Variants in VPS26B observed in about 807,000 individuals in gnomAD.
VPS26B encodes the protein vacuolar protein sorting-associated protein 26B.
Under a neutral mutation model 33.3 loss-of-function variants are expected in VPS26B, and 10 were observed. That is an observed-to-expected ratio of 0.30 (90% CI 0.19 to 0.51). The LOEUF is 0.51. Among genes scored for constraint, VPS26B ranks in the 20% least tolerant of loss-of-function variants. The pLI is 0.98. For synonymous variants in VPS26B, 190 were observed against 176.9 expected (o/e 1.07, Z -0.59); for missense variants, 317 against 452.7 (o/e 0.70, Z 2.72).
chr11:134,237,639 C>T (rs1938651828), intron 2 of VPS26B, among the ~76,000 whole-genome samples: 4 of 152,108 alleles, frequency 2.6e-5, no homozygotes, highest in Admixed American at 2.0e-4. Context: ...CAGGGCATGG[C>T]AGGAGGAGGA....
chr11:134,228,238 G>A (rs1938506646), intron 1 of VPS26B, among the ~76,000 whole-genome samples: 1 of 151,628 alleles, frequency 6.6e-6, no homozygotes, highest in Non-Finnish European at 1.5e-5. Context: ...GAGTAAAGAT[G>A]TACTATTTGG....
rs1328967067 is a variant in VPS26B, at chr11:134,247,416, T to C, written c.*1826T>C. ...CCCAACTGACAACACACGTTCATTT[T>C]CCAACCTTCCTAACATCTTAAACCT... is the stretch of plus-strand genomic sequence containing the variant. On this transcript the variant is annotated 3_prime_UTR_variant, in exon 6 of 6. Coordinates refer to ENST00000281187, the MANE Select transcript of VPS26B (RefSeq NM_052875.5). 2 of 152,264 alleles carry C rather than the reference T, an allele frequency of 1.3e-5. No individual in the cohort carries two copies. The highest frequency in any genetic ancestry group is 2.9e-5 in the Non-Finnish European group (2 of 68,052). The allele number at this position is 152,264 out of a possible 1,614,324, so 9.4% of individuals were successfully genotyped here.
intron 2 of VPS26B, chr11:134,239,769 G>A (rs1938688936): frequency 1.8e-6 from 1 of 550,504 alleles, no homozygotes; most frequent in African/African-American, 1.9e-5. Flanking sequence ...TTGGGGGAAG[G>A]GTCTTTGAAC....
intron 1 of VPS26B, 59 bp from the exon 2 acceptor site, chr11:134,234,838 C>A: frequency 6.3e-7 from 1 of 1,577,300 alleles, no homozygotes; most frequent in South Asian, 1.2e-5. Flanking sequence ...GCCCCCTACT[C>A]GGCCCGGTGT....
chr11:134,232,213 G>A lies in VPS26B; in HGVS notation c.224-2684G>A, dbSNP rs61909700. 2.0e-4 allele frequency among the ~76,000 whole-genome samples: 7 copies of A among 34,730 alleles called. No individual in the cohort carries two copies. In the South Asian group the frequency reaches 0.011, roughly 57 times the overall value. The allele number at this position is 34,730 out of a possible 152,430, so 22.8% of individuals were successfully genotyped here. ...GATTGGGAAGAATGAAAGATGACGC[G>A]TGGTTGCTTCTTTGGGACGGAATAG... On this transcript the variant is annotated intron_variant, in intron 1 of 5. Transcript: ENST00000281187.
rs910515856 is a variant in VPS26B, at chr11:134,245,145, G to A, written c.864+65G>A. 2.5e-5 allele frequency: 39 copies of A among 1,574,672 alleles called. No homozygotes were observed. The African/African-American group carries it at 4.1e-4, about 16-fold the overall frequency. On this transcript the variant is annotated intron_variant, in intron 5 of 5. Coordinates refer to ENST00000281187, the MANE Select transcript of VPS26B (RefSeq NM_052875.5). The surrounding 1 kb of genome is among the most constrained non-coding windows in gnomAD (Gnocchi z 4.7). ...CAGAACAGGAGGCTCTCTTTCCTAT[G>A]GAAGGTCAGACTCCATTTTTGCCAA...
At chr11:134,237,872 G>A (rs1462841480) in intron 2 of VPS26B, among the ~76,000 whole-genome samples, 7 of 152,180 alleles carry the variant, frequency 4.6e-5, no homozygotes, top group Admixed American at 6.5e-5. Context: ...TGCAGAACCC[G>A]CCTTGTGACA....
chr11:134,245,611 G>A lies in VPS26B; in HGVS notation c.*21G>A, dbSNP rs1165743364. The A allele has an allele frequency of 6.3e-7, 1 of 1,592,218 alleles. No individual in the cohort carries two copies. Among genetic ancestry groups the A allele is most frequent in the South Asian group, 1.1e-5 (1 of 89,746 alleles). ...AGTAGGCCCCCAGGGCCGAGAAGAT[G>A]CTGGGCACCCACCCAGCACCCCCAT... On this transcript the variant is annotated 3_prime_UTR_variant, in exon 6 of 6. Transcript: ENST00000281187. This position sits in a 1 kb window ranked among gnomAD's most constrained non-coding sequence, Gnocchi z 4.7.
At position 134,225,284 on chromosome 11, in the gene VPS26B, C is replaced by T; in HGVS notation, c.162C>T (p.Leu54=). 1 of 1,614,132 alleles carries T rather than the reference C, an allele frequency of 6.2e-7. No individual in the cohort carries two copies. ...ETVSGKVSLA[L]KNPNKRLEHQ... is the part of the protein sequence containing the mutation. The stretch of plus-strand genomic sequence containing the variant: ...TCTCCGGGAAGGTGAGCCTTGCCCT[C>T]AAGAACCCCAACAAGCGGCTGGAGC... Residue 54 remains leucine (L), a synonymous_variant, in exon 1 of 6, where the codon CTC becomes CTT. Coordinates refer to ENST00000281187, the MANE Select transcript of VPS26B (RefSeq NM_052875.5).
chr11:134,243,503 C>A, intron 4 of VPS26B: 1 of 588,184 alleles, frequency 1.7e-6, no homozygotes, highest in Non-Finnish European at 2.9e-6. Context: ...CCATCTTCAC[C>A]CTGAAAAGTT....
chr11:134,225,379 C>T, intron 1 of VPS26B, 34 bp downstream of exon 1: 1 of 1,608,494 alleles, frequency 6.2e-7, no homozygotes, highest in African/African-American at 1.3e-5. Flanking sequence ...TCCCCCAGCG[C>T]CGACAGCCGG....
chr11:134,240,287 G>A lies in VPS26B; in HGVS notation c.545+132G>A. 9.7e-7 allele frequency: 1 copy of A among 1,030,446 alleles called. No homozygotes were observed. Among genetic ancestry groups the A allele is most frequent in the Non-Finnish European group, 1.4e-6 (1 of 690,714 alleles). The allele number at this position is 1,030,446 out of a possible 1,614,324, so 63.8% of individuals were successfully genotyped here. On this transcript the variant is annotated intron_variant, in intron 3 of 5. Transcript: ENST00000281187. This position sits in a 1 kb window ranked among gnomAD's most constrained non-coding sequence, Gnocchi z 4.4. ...TGGCATGCGGTGGGGGAAGACCGTG[G>A]GAGCAATCCAGTGAGTGTCTATGGC...
intron 1 of VPS26B, among the ~76,000 whole-genome samples, chr11:134,226,529 G>C: frequency 6.6e-6 from 1 of 152,306 alleles, no homozygotes; most frequent in Middle Eastern, 3.4e-3. Context: ...TTAGACTCTT[G>C]TGTATTATTA....
intron 1 of VPS26B, among the ~76,000 whole-genome samples, chr11:134,234,184 T>A (rs1031936388): frequency 5.3e-5 from 8 of 152,224 alleles, no homozygotes; most frequent in African/African-American, 1.7e-4. Flanking sequence ...AAAATGTCCA[T>A]GTTCGATTGG....
chr11:134,235,510 C>A (rs1345517697), intron 2 of VPS26B: 1 of 153,000 alleles, frequency 6.5e-6, no homozygotes, highest in East Asian at 1.9e-4. Flanking sequence ...TCATAAAATT[C>A]CTGAAAGTTC....
In VPS26B at chr11:134,243,254, G is replaced by T; in HGVS notation, c.681G>T (p.Thr227=). The T allele has an allele frequency of 6.2e-7, 1 of 1,614,100 alleles. No individual in the cohort carries two copies. Among genetic ancestry groups the T allele is most frequent in the African/African-American group, 1.3e-5 (1 of 75,030 alleles). The change falls in exon 4 of 6, where the codon ACG becomes ACT. Residue 227 remains threonine, a synonymous_variant. Transcript: ENST00000281187. ...CCAACGTGTACCATGAGAATGACAC[G>T]ATAGCCAAGTACGAGATCATGGACG... ...TGPNVYHEND[T]IAKYEIMDGA... is the part of the protein sequence containing the mutation.
At chr11:134,226,282 G>A (rs146174016) in intron 1 of VPS26B, among the ~76,000 whole-genome samples, 30 of 152,038 alleles carry the variant, frequency 2.0e-4, no homozygotes, top group Admixed American at 7.9e-4. Flanking sequence ...GGTGCTTGCC[G>A]GTAGTCCTAG....
chr11:134,236,014 C>T, intron 2 of VPS26B, among the ~76,000 whole-genome samples: 1 of 152,106 alleles, frequency 6.6e-6, no homozygotes, highest in Non-Finnish European at 1.5e-5. Flanking sequence ...TTTCTCTGTC[C>T]TCCCTTCTTC....
rs758505197 is a variant in VPS26B at position 134,225,263 on chromosome 11, C to T, written c.141C>T (p.Ser47=). 2.5e-6 allele frequency: 4 copies of T among 1,614,138 alleles called. No individual in the cohort carries two copies. The highest frequency in any genetic ancestry group is 3.4e-6 in the Non-Finnish European group (4 of 1,179,998). Residue 47 remains serine, a synonymous_variant, in exon 1 of 6, where the codon TCC becomes TCT. Transcript: ENST00000281187. ...TCTTCTACGACGGGGAGACGGTCTC[C>T]GGGAAGGTGAGCCTTGCCCTCAAGA... ...YFLFYDGETV[S]GKVSLALKNP...
Sources: gnomAD v4.1 joint callset for allele counts (sites outside exome capture counted in the v4.1 genomes callset) on GRCh38, gnomAD v4.1.1 for gene constraint, Gnocchi (gnomAD v3.1) non-coding constraint, MANE v1.5 for transcripts, NCBI Gene and HGNC (gene_info 2026-07-23, HGNC 2026-07-21) for gene names.